Variants in PDE1C observed in about 807,000 individuals in gnomAD.
The protein encoded by PDE1C is phosphodiesterase 1C, also known as dual specificity calcium/calmodulin-dependent 3',5'-cyclic nucleotide phosphodiesterase 1C.
PDE1C carries 62 observed loss-of-function variants against 93.1 expected under a neutral mutation model. The ratio of observed to expected loss-of-function variants is 0.67; its 90% confidence interval spans 0.54 to 0.82. PDE1C has a LOEUF of 0.82. Ranked by LOEUF, PDE1C falls within the 40% of genes least tolerant of loss-of-function variation. PDE1C has a pLI of 0.00. For missense variants in PDE1C, 742 were observed against 884.6 expected (o/e 0.84, Z 2.04); for synonymous variants, 325 against 310.1 (o/e 1.05, Z -0.50).
intron 2 of PDE1C, among the ~76,000 whole-genome samples, chr7:31,910,849 G>C (rs1425374291): frequency 6.6e-6 from 1 of 152,136 alleles, no homozygotes; most frequent in Non-Finnish European, 1.5e-5. Context: ...AAGAGGGCCT[G>C]GCCCACGTAA....
intron 1 of PDE1C, among the ~76,000 whole-genome samples, chr7:32,420,980 T>C (rs1001235951): frequency 3.3e-5 from 5 of 152,248 alleles, no homozygotes; most frequent in Admixed American, 2.6e-4. Flanking sequence ...CAGCTCTCAG[T>C]CTATCCATGA....
intron 1 of PDE1C, among the ~76,000 whole-genome samples, chr7:32,326,603 G>A (rs1001643205): frequency 6.6e-6 from 1 of 152,172 alleles, no homozygotes; most frequent in Non-Finnish European, 1.5e-5. Flanking sequence ...ATTAGACTTA[G>A]TAATGTTCAG....
In PDE1C at chr7:31,807,791, C is replaced by T. The variant is rs574863718; in HGVS notation, c.1891+1240G>A. ...AAAGAGCCTCTGGTATTTAAACAAA[C>T]CTTACCTATAATAGAGTCTGGCTCA... On this transcript the variant is annotated intron_variant, in intron 16 of 17. Coordinates refer to ENST00000396191, the MANE Select transcript of PDE1C (RefSeq NM_001191057.4). 8.4e-4 allele frequency among the ~76,000 whole-genome samples: 127 copies of T among 151,962 alleles called. 1 individual carries two copies. Among genetic ancestry groups the T allele is most frequent in the African/African-American group, 2.9e-3 (119 of 41,488 alleles).
chr7:32,259,587 ATCTCATGGGTT>A (rs1359867910), intron 1 of PDE1C, among the ~76,000 whole-genome samples: 1 of 152,126 alleles, frequency 6.6e-6, no homozygotes, highest in Non-Finnish European at 1.5e-5. Flanking sequence ...CTGGCTTAAA[ATCTCATGGGTT>A]TCTCACTACC....
At chr7:31,658,533 G>A in the PDE1C span, 7 of 569,450 alleles carry the variant, frequency 1.2e-5, no homozygotes, top group African/African-American at 1.9e-5. Flanking sequence ...CATGTGGAAT[G>A]GTGGGTTGCA....
intron 1 of PDE1C, among the ~76,000 whole-genome samples, chr7:32,230,975 C>G (rs1255464263): frequency 6.6e-6 from 1 of 152,116 alleles, no homozygotes; most frequent in Non-Finnish European, 1.5e-5. Context: ...AGCTTACCAC[C>G]CCACAGGAGC....
the PDE1C span, among the ~76,000 whole-genome samples, chr7:31,673,781 C>A: frequency 6.6e-6 from 1 of 151,816 alleles, no homozygotes; most frequent in East Asian, 1.9e-4. Flanking sequence ...CATATTCATT[C>A]CCTAGCAAGG....
At chr7:32,130,239 A>G (rs1363680718) in intron 3 of PDE1C, among the ~76,000 whole-genome samples, 1 of 152,052 alleles carries the variant, frequency 6.6e-6, no homozygotes, top group East Asian at 1.9e-4. Context: ...GAAGCTATCT[A>G]TCTACCTTTG....
chr7:32,130,432 T>C (rs1799851649), intron 3 of PDE1C, among the ~76,000 whole-genome samples: 1 of 152,108 alleles, frequency 6.6e-6, no homozygotes, highest in Admixed American at 6.6e-5. Flanking sequence ...CTGCTTTCTC[T>C]CTCCCTCCGT....
At chr7:32,109,773 ATTTCT>A (rs58891240) in intron 3 of PDE1C, among the ~76,000 whole-genome samples, 18,190 of 151,540 alleles carry the variant, frequency 0.12, 1,873 homozygotes, top group African/African-American at 0.28. Flanking sequence ...TTTTCATTTC[ATTTCT>A]TTTCTTTTCT....
intron 2 of PDE1C, among the ~76,000 whole-genome samples, chr7:32,041,650 C>T (rs1791829901): frequency 6.6e-6 from 1 of 152,104 alleles, no homozygotes; most frequent in African/African-American, 2.4e-5. Context: ...GTTATGTATT[C>T]ATGTATGACT....
At chr7:31,834,681 G>A (rs1185880937) in intron 11 of PDE1C, among the ~76,000 whole-genome samples, 1 of 151,974 alleles carries the variant, frequency 6.6e-6, no homozygotes, top group African/African-American at 2.4e-5. Context: ...TATCTAGGAT[G>A]TAACTAACTT....
At chr7:32,264,472 G>A (rs1207371162) in intron 1 of PDE1C, among the ~76,000 whole-genome samples, 2 of 152,144 alleles carry the variant, frequency 1.3e-5, no homozygotes, top group African/African-American at 4.8e-5. Context: ...AGTTCCATCT[G>A]ACTTAAAAAC....
At chr7:32,245,174 C>A (rs1808834429) in intron 1 of PDE1C, among the ~76,000 whole-genome samples, 1 of 152,042 alleles carries the variant, frequency 6.6e-6, no homozygotes, top group Non-Finnish European at 1.5e-5. Context: ...GTGTCCTAGT[C>A]CCCTTGGAAG....
intron 16 of PDE1C, among the ~76,000 whole-genome samples, chr7:31,796,121 A>G (rs1785257632): frequency 6.6e-6 from 1 of 150,414 alleles, no homozygotes; most frequent in Non-Finnish European, 1.5e-5. Context: ...ATATATATAT[A>G]TGTATATGTA....
chr7:32,152,654 A>C (rs1047320905), intron 3 of PDE1C, among the ~76,000 whole-genome samples: 3 of 152,230 alleles, frequency 2.0e-5, no homozygotes, highest in African/African-American at 7.2e-5. Flanking sequence ...GATGCAGTTT[A>C]AATTACCTAG....
At position 31,777,415 on chromosome 7, in the gene PDE1C, G is replaced by A. The variant is rs540735663; in HGVS notation, c.1892-1683C>T. ...GCGATCTCGACTCACTGCAAGCTCC[G>A]TCTCCCGGGTTCAAGCAATTCCCCT... On this transcript the variant is annotated intron_variant, in intron 16 of 17. Transcript: ENST00000396191. Among the ~76,000 whole-genome samples, 7 of 152,182 alleles carry A rather than the reference G, an allele frequency of 4.6e-5. No homozygotes were observed. In the South Asian group the frequency reaches 6.2e-4, roughly 14 times the overall value.
the PDE1C span, among the ~76,000 whole-genome samples, chr7:31,630,186 T>C: frequency 7.4e-6 from 1 of 135,632 alleles, no homozygotes; most frequent in East Asian, 2.1e-4. Context: ...GTATTTGTTA[T>C]ATGAGTTCTA....
chr7:31,910,625 C>A (rs1452322137), intron 2 of PDE1C, among the ~76,000 whole-genome samples: 1 of 152,210 alleles, frequency 6.6e-6, no homozygotes, highest in Admixed American at 6.5e-5. Flanking sequence ...TTCTCACGAG[C>A]CTGTAAGTTA....
Sources: gnomAD v4.1 joint callset for allele counts (sites outside exome capture counted in the v4.1 genomes callset) on GRCh38, gnomAD v4.1.1 for gene constraint, MANE v1.5 for transcripts, NCBI Gene and HGNC (gene_info 2026-07-23, HGNC 2026-07-21) for gene names.